Variants in HS3ST4 observed in about 807,000 individuals in gnomAD.
HS3ST4 encodes heparan sulfate glucosamine 3-O-sulfotransferase 4.
A neutral mutation model predicts 29.2 loss-of-function variants in HS3ST4; 17 were observed. The ratio of observed to expected loss-of-function variants is 0.58; its 90% CI spans 0.40 to 0.87. The LOEUF (loss-of-function observed/expected upper bound fraction) is 0.87. HS3ST4 is among the 40% of genes least tolerant of loss of function. The pLI, the probability that HS3ST4 is intolerant of heterozygous loss-of-function variation, is 0.00. For synonymous variants in HS3ST4, 314 were observed against 285.7 expected, an observed-to-expected ratio of 1.10 and a Z score of -1.00; for missense variants, 627 against 634.5, an observed-to-expected ratio of 0.99 and a Z score of 0.13.
chr16:26,046,254 G>T (rs1186746021), intron 1 of HS3ST4, among the ~76,000 whole-genome samples: 3 of 150,580 alleles, frequency 2.0e-5, no homozygotes, highest in Non-Finnish European at 4.4e-5. Context: ...AGGTTCAAGC[G>T]ATTCTCCTGT....
intron 1 of HS3ST4, among the ~76,000 whole-genome samples, chr16:26,122,786 T>C (rs1303711010): frequency 6.6e-6 from 1 of 152,144 alleles, no homozygotes; most frequent in East Asian, 1.9e-4. Context: ...CTGGGTGTGG[T>C]GGCTCACGTC....
At chr16:25,887,198 T>A (rs1365461767) in intron 1 of HS3ST4, among the ~76,000 whole-genome samples, 3 of 152,064 alleles carry the variant, frequency 2.0e-5, no homozygotes, top group Admixed American at 2.0e-4. Flanking sequence ...GATGGGGAAT[T>A]TGAGGAAGTT....
At chr16:25,782,215 A>G (rs981218448) in intron 1 of HS3ST4, among the ~76,000 whole-genome samples, 2 of 152,194 alleles carry the variant, frequency 1.3e-5, no homozygotes, top group Non-Finnish European at 2.9e-5. Context: ...AACCGCCCCC[A>G]TAATCCAATC....
intron 1 of HS3ST4, among the ~76,000 whole-genome samples, chr16:25,925,358 G>T (rs1968391370): frequency 6.6e-6 from 1 of 152,018 alleles, no homozygotes. Flanking sequence ...CAGTGGCTTG[G>T]CCAGGAACCC....
chr16:26,061,831 G>A (rs1452938043), intron 1 of HS3ST4, among the ~76,000 whole-genome samples: 2 of 152,144 alleles, frequency 1.3e-5, no homozygotes, highest in Non-Finnish European at 2.9e-5. Flanking sequence ...GATGGAACCA[G>A]CAACTTTATC....
At chr16:26,127,269 C>G (rs1382223599) in intron 1 of HS3ST4, among the ~76,000 whole-genome samples, 1 of 152,176 alleles carries the variant, frequency 6.6e-6, no homozygotes, top group African/African-American at 2.4e-5. Context: ...AAACGTTGCT[C>G]CCCTTGATCT....
intron 1 of HS3ST4, among the ~76,000 whole-genome samples, chr16:25,980,029 C>CTCCG (rs1411105427): frequency 6.6e-6 from 1 of 152,328 alleles, no homozygotes; most frequent in East Asian, 1.9e-4. Context: ...ATCTCACTAC[C>CTCCG]TCCGTCCTGG....
intron 1 of HS3ST4, among the ~76,000 whole-genome samples, chr16:25,804,942 TG>T (rs1408175351): frequency 6.6e-6 from 1 of 152,082 alleles, no homozygotes; most frequent in Admixed American, 6.5e-5. Flanking sequence ...TTTCTCAAGC[TG>T]AAGAGGAGGT....
At chr16:25,713,096 GC>G (rs1356151721) in intron 1 of HS3ST4, among the ~76,000 whole-genome samples, 2 of 151,928 alleles carry the variant, frequency 1.3e-5, no homozygotes, top group Non-Finnish European at 2.9e-5. Flanking sequence ...GGATACACAT[GC>G]AGGTTTGTTA....
intron 1 of HS3ST4, among the ~76,000 whole-genome samples, chr16:25,930,121 C>T (rs114680782): frequency 0.015 from 2,246 of 152,344 alleles, 58 homozygotes; most frequent in African/African-American, 0.051. Context: ...CATGTTCCTG[C>T]AAAGGACGTA....
At chr16:25,787,333 G>C (rs903885315) in intron 1 of HS3ST4, among the ~76,000 whole-genome samples, 1 of 152,200 alleles carries the variant, frequency 6.6e-6, no homozygotes, top group Non-Finnish European at 1.5e-5. Context: ...TCAGAGCTGA[G>C]GAAGTGTTCA....
chr16:25,819,783 C>T (rs998279915), intron 1 of HS3ST4, among the ~76,000 whole-genome samples: 6 of 151,650 alleles, frequency 4.0e-5, no homozygotes, highest in African/African-American at 9.7e-5. Context: ...ACTGGAATCC[C>T]GAGGAAATGC....
intron 1 of HS3ST4, among the ~76,000 whole-genome samples, chr16:25,816,742 C>T (rs989700040): frequency 2.6e-5 from 4 of 152,140 alleles, no homozygotes; most frequent in Non-Finnish European, 4.4e-5. Context: ...GTCAGGCTTA[C>T]AGGCTACGAA....
chr16:26,087,949 T>C (rs766318447), intron 1 of HS3ST4, among the ~76,000 whole-genome samples: 1 of 152,198 alleles, frequency 6.6e-6, no homozygotes, highest in African/African-American at 2.4e-5. Context: ...GCTAGAGTGA[T>C]GATTTAAAAA....
intron 1 of HS3ST4, among the ~76,000 whole-genome samples, chr16:25,999,872 T>A (rs1427793198): frequency 7.8e-6 from 1 of 128,984 alleles, no homozygotes; most frequent in African/African-American, 3.0e-5. Flanking sequence ...TATTATATAT[T>A]TTATATATAT....
intron 1 of HS3ST4, chr16:26,063,179 C>T (rs3803712): frequency 0.082 from 12,489 of 152,664 alleles, 702 homozygotes; most frequent in Admixed American, 0.18. Flanking sequence ...CTGTGCTGAG[C>T]TCATCCCATG....
chr16:25,909,287 C>T (rs544749602), intron 1 of HS3ST4, among the ~76,000 whole-genome samples: 21 of 152,150 alleles, frequency 1.4e-4, no homozygotes, highest in East Asian at 7.8e-4. Context: ...CTCCAGGACT[C>T]GAGCGATTCT....
At chr16:25,704,545 G>A (rs1966360805) in intron 1 of HS3ST4, among the ~76,000 whole-genome samples, 1 of 152,026 alleles carries the variant, frequency 6.6e-6, no homozygotes, top group Non-Finnish European at 1.5e-5. Context: ...CAGCAGCTTT[G>A]AACTCCTGGG....
chr16:25,945,211 G>A (rs774438622), intron 1 of HS3ST4, among the ~76,000 whole-genome samples: 1 of 152,052 alleles, frequency 6.6e-6, no homozygotes, highest in Non-Finnish European at 1.5e-5. Context: ...TGTGCATATT[G>A]TATATTATTG....
Sources: gnomAD v4.1 joint callset for allele counts (sites outside exome capture counted in the v4.1 genomes callset) on GRCh38, gnomAD v4.1.1 for gene constraint, MANE v1.5 for transcripts, NCBI Gene and HGNC (gene_info 2026-07-23, HGNC 2026-07-21) for gene names.